Variants in ITGBL1 observed in about 807,000 individuals in gnomAD.
The protein encoded by ITGBL1 is integrin subunit beta like 1.
ITGBL1 carries 51 observed loss-of-function variants against 68.5 expected under a neutral mutation model. That is an observed-to-expected ratio of 0.74 (90% CI 0.59 to 0.94). ITGBL1 has a LOEUF of 0.94. Ranked by LOEUF, ITGBL1 falls within the 40% of genes least tolerant of loss-of-function variation. The pLI is 0.00. For missense variants in ITGBL1, 649 were observed against 647.4 expected, an observed-to-expected ratio of 1.00 and a Z score of -0.03; for synonymous variants, 209 against 227.3, an observed-to-expected ratio of 0.92 and a Z score of 0.72.
At chr13:101,563,081 A>G (rs988306227) in intron 2 of ITGBL1, among the ~76,000 whole-genome samples, 2 of 151,334 alleles carry the variant, frequency 1.3e-5, no homozygotes, top group Non-Finnish European at 3.0e-5. Context: ...AAAATAATTT[A>G]TAAATAAAAA....
At chr13:101,619,419 C>T (rs148849652) in intron 7 of ITGBL1, among the ~76,000 whole-genome samples, 2 of 152,050 alleles carry the variant, frequency 1.3e-5, no homozygotes, top group African/African-American at 4.8e-5. Context: ...CTCAACCTAC[C>T]ACTACTGCCT....
chr13:101,647,521 C>T (rs531118537), intron 7 of ITGBL1, among the ~76,000 whole-genome samples: 2 of 152,248 alleles, frequency 1.3e-5, no homozygotes, highest in East Asian at 1.9e-4. Flanking sequence ...ATGGGAATGC[C>T]GTTAAGGCAG....
At chr13:101,710,915 G>A (rs188412111) in intron 9 of ITGBL1, 2 of 152,258 alleles carry the variant, frequency 1.3e-5, no homozygotes, top group East Asian at 3.9e-4. Context: ...ATAACAGATG[G>A]AGTAGTTAGT....
intron 2 of ITGBL1, among the ~76,000 whole-genome samples, chr13:101,471,356 C>T (rs2048454277): frequency 1.3e-5 from 2 of 152,142 alleles, no homozygotes; most frequent in African/African-American, 4.8e-5. Context: ...ATTCCCATGT[C>T]ACTATGATTA....
In ITGBL1 at chr13:101,693,616, G is replaced by GTCTA. The variant is rs1441210290; in HGVS notation, c.1132+918_1132+919insATCT. ...GAGGCACCATCCATCCATCCTATCT[G>GTCTA]TCTGTCTGTCTATCTATCTATCTAT... On this transcript the variant is annotated intron_variant, in intron 8 of 10. Transcript: ENST00000376180. Among the ~76,000 whole-genome samples, 25 of 107,612 alleles carry GTCTA rather than the reference G, an allele frequency of 2.3e-4. No individual in the cohort carries two copies. The South Asian group carries it at 6.0e-3, about 26-fold the overall frequency. The allele number at this position is 107,612 out of a possible 152,430, so 70.6% of individuals were successfully genotyped here. A position where few individuals can be genotyped will look rare whatever the true frequency, so the allele number is the denominator to read the frequency against.
intron 8 of ITGBL1, among the ~76,000 whole-genome samples, chr13:101,702,257 G>A (rs1168523722): frequency 2.0e-5 from 3 of 151,762 alleles, no homozygotes; most frequent in African/African-American, 7.3e-5. Flanking sequence ...CTTTTTACTT[G>A]TTTAGCCTGG....
chr13:101,564,952 C>G (rs918816106), intron 2 of ITGBL1, among the ~76,000 whole-genome samples: 12 of 151,972 alleles, frequency 7.9e-5, no homozygotes, highest in African/African-American at 2.9e-4. Context: ...AGCAGAGTTA[C>G]ACTGCCACAA....
At chr13:101,637,170 C>T (rs1436172265) in intron 7 of ITGBL1, among the ~76,000 whole-genome samples, 1 of 152,004 alleles carries the variant, frequency 6.6e-6, no homozygotes, top group Non-Finnish European at 1.5e-5. Flanking sequence ...CTTTCAATGA[C>T]TTGGAGGTGA....
At chr13:101,629,253 A>G (rs1055042908) in intron 7 of ITGBL1, among the ~76,000 whole-genome samples, 2 of 152,122 alleles carry the variant, frequency 1.3e-5, no homozygotes, top group Non-Finnish European at 2.9e-5. Context: ...TTTTTACCTA[A>G]TCTACAAATC....
chr13:101,613,207 A>G lies in ITGBL1; in HGVS notation c.1015+14908A>G, dbSNP rs376904334. Among the ~76,000 whole-genome samples the G allele has an allele frequency of 5.3e-5, 8 of 152,300 alleles. 1 individual carries two copies. Among genetic ancestry groups the G allele is most frequent in the Admixed American group, 3.3e-4 (5 of 15,292 alleles). ...AACTTCTTTGTTAACTTTAATATAC[A>G]ATTTTACGGGCTTACAAGGTTTTAA... is the stretch of plus-strand genomic sequence containing the variant. On this transcript the variant is annotated intron_variant, in intron 7 of 10. Coordinates refer to ENST00000376180, the MANE Select transcript of ITGBL1 (RefSeq NM_004791.3).
chr13:101,574,861 CTT>C (rs1157651155), intron 3 of ITGBL1, among the ~76,000 whole-genome samples: 2 of 152,038 alleles, frequency 1.3e-5, no homozygotes, highest in African/African-American at 4.8e-5. Flanking sequence ...GAAATCCACT[CTT>C]GTCCCATTAT....
chr13:101,629,217 A>G (rs1407021119), intron 7 of ITGBL1, among the ~76,000 whole-genome samples: 2 of 152,148 alleles, frequency 1.3e-5, no homozygotes, highest in African/African-American at 4.8e-5. Flanking sequence ...GGGGCAGCAT[A>G]CACTTTGATT....
chr13:101,623,220 C>T (rs1056020468), intron 7 of ITGBL1, among the ~76,000 whole-genome samples: 5 of 151,478 alleles, frequency 3.3e-5, no homozygotes, highest in African/African-American at 4.9e-5. Flanking sequence ...TAATGCAATC[C>T]GAGGTTTATA....
chr13:101,708,274 C>T (rs2034308049), intron 9 of ITGBL1, among the ~76,000 whole-genome samples: 2 of 152,156 alleles, frequency 1.3e-5, no homozygotes, highest in South Asian at 4.1e-4. Flanking sequence ...AAGATTCTCA[C>T]CTCATGTCTG....
chr13:101,561,493 A>G (rs2050099862), intron 2 of ITGBL1, among the ~76,000 whole-genome samples: 1 of 152,212 alleles, frequency 6.6e-6, no homozygotes, highest in Admixed American at 6.5e-5. Flanking sequence ...TGAAAGCTCA[A>G]CATAGATAAA....
chr13:101,558,078 C>T (rs1481898838), intron 2 of ITGBL1, among the ~76,000 whole-genome samples: 1 of 62,500 alleles, frequency 1.6e-5, no homozygotes, highest in Admixed American at 2.3e-4. Flanking sequence ...AGCAAAACTC[C>T]GTCTCAAAAA....
intron 9 of ITGBL1, among the ~76,000 whole-genome samples, chr13:101,709,777 A>G (rs1323976472): frequency 3.3e-5 from 5 of 152,232 alleles, no homozygotes; most frequent in Non-Finnish European, 2.9e-5. Flanking sequence ...AACACTTTCC[A>G]TAAGCGGGTC....
In ITGBL1 at chr13:101,495,491, C is replaced by T. The variant is rs77250379; in HGVS notation, c.316+41391C>T. On this transcript the variant is annotated intron_variant, in intron 2 of 10. Coordinates refer to ENST00000376180, the MANE Select transcript of ITGBL1 (RefSeq NM_004791.3). ...CATCCCCTCAAGGTTTGGCTTTCTA[C>T]TTCACTGACTCCCCGGATTTAATCC... Among the ~76,000 whole-genome samples, 438 of 152,276 alleles carry T rather than the reference C, an allele frequency of 2.9e-3. 1 individual carries two copies. Among genetic ancestry groups the T allele is most frequent in the Middle Eastern group, 6.8e-3 (2 of 294 alleles).
chr13:101,687,188 T>C (rs1207957579), intron 7 of ITGBL1, among the ~76,000 whole-genome samples: 1 of 152,026 alleles, frequency 6.6e-6, no homozygotes, highest in Non-Finnish European at 1.5e-5. Context: ...TTTAGAGACA[T>C]ATATATCTTT....
Sources: gnomAD v4.1 joint callset for allele counts (sites outside exome capture counted in the v4.1 genomes callset) on GRCh38, gnomAD v4.1.1 for gene constraint, MANE v1.5 for transcripts, NCBI Gene and HGNC (gene_info 2026-07-23, HGNC 2026-07-21) for gene names.